MACROD2: variants seen among roughly 807,000 people sequenced by gnomAD.
MACROD2 encodes the protein ADP-ribose glycohydrolase MACROD2.
Under a neutral mutation model 70.4 loss-of-function variants are expected in MACROD2, and 36 were observed. The observed-to-expected ratio is 0.51, with a 90% CI of 0.39 to 0.68. The LOEUF (loss-of-function observed/expected upper bound fraction) is 0.68, where lower values mean the gene tolerates loss of function less well. Ranked by LOEUF, MACROD2 falls within the 30% of genes least tolerant of loss-of-function variation. The pLI, the probability that MACROD2 is intolerant of heterozygous loss-of-function variation, is 0.00. For missense variants in MACROD2, 496 were observed against 538.4 expected, an observed-to-expected ratio of 0.92 and a Z score of 0.78; for synonymous variants, 172 against 178.8, an observed-to-expected ratio of 0.96 and a Z score of 0.30.
At chr20:14,169,087 G>A (rs1767949572) in intron 3 of MACROD2, among the ~76,000 whole-genome samples, 1 of 152,072 alleles carries the variant, frequency 6.6e-6, no homozygotes, top group Admixed American at 6.6e-5. Context: ...CGCATAAACA[G>A]GATTAAGAAC....
intron 3 of MACROD2, among the ~76,000 whole-genome samples, chr20:14,384,706 A>C (rs2083453807): frequency 6.6e-6 from 1 of 152,184 alleles, no homozygotes; most frequent in African/African-American, 2.4e-5. Flanking sequence ...CTACAAGCCC[A>C]ATATATAATG....
chr20:14,013,359 G>A (rs1225438332), intron 2 of MACROD2, among the ~76,000 whole-genome samples: 6 of 148,280 alleles, frequency 4.0e-5, no homozygotes, highest in Non-Finnish European at 7.4e-5. Context: ...TGCAAGCTCC[G>A]CCTCCCAGGT....
intron 3 of MACROD2, among the ~76,000 whole-genome samples, chr20:14,225,913 A>G (rs1170919815): frequency 6.6e-6 from 1 of 152,162 alleles, no homozygotes; most frequent in Admixed American, 6.5e-5. Context: ...TAAGCTGAAA[A>G]TAGTGTCCTA....
chr20:15,539,069 CT>C (rs2047918330), intron 8 of MACROD2, among the ~76,000 whole-genome samples: 1 of 152,030 alleles, frequency 6.6e-6, no homozygotes, highest in Non-Finnish European at 1.5e-5. Context: ...ACATTTTATT[CT>C]GTTTTTTCAT....
intron 5 of MACROD2, among the ~76,000 whole-genome samples, chr20:14,706,570 T>C (rs1406234397): frequency 5.3e-5 from 8 of 152,160 alleles, no homozygotes; most frequent in African/African-American, 1.9e-4. Context: ...CTATTTATCA[T>C]TTGTTGAACC....
chr20:15,698,282 C>T (rs958161183), intron 8 of MACROD2, among the ~76,000 whole-genome samples: 20 of 152,284 alleles, frequency 1.3e-4, no homozygotes, highest in African/African-American at 4.6e-4. Context: ...ATGGCGAATT[C>T]TCTCAGCATT....
At chr20:15,324,958 C>T (rs2077912057) in intron 6 of MACROD2, among the ~76,000 whole-genome samples, 1 of 150,430 alleles carries the variant, frequency 6.6e-6, no homozygotes, top group Non-Finnish European at 1.5e-5. Context: ...TCCTTCTGCT[C>T]CTATGTAAAA....
At chr20:14,791,745 T>C (rs2072453725) in intron 5 of MACROD2, among the ~76,000 whole-genome samples, 2 of 151,926 alleles carry the variant, frequency 1.3e-5, no homozygotes. Flanking sequence ...TAACTGTAAA[T>C]CAAAACTGGT....
chr20:16,033,924 A>C (rs1170034164), intron 15 of MACROD2, among the ~76,000 whole-genome samples: 1 of 151,928 alleles, frequency 6.6e-6, no homozygotes, highest in Non-Finnish European at 1.5e-5. Context: ...ACTCAATGAG[A>C]GAAGGAATTT....
At chr20:14,514,069 A>G (rs2085060937) in intron 4 of MACROD2, among the ~76,000 whole-genome samples, 1 of 152,138 alleles carries the variant, frequency 6.6e-6, no homozygotes, top group African/African-American at 2.4e-5. Context: ...TGGACTTACC[A>G]TAAAGTGACT....
intron 12 of MACROD2, among the ~76,000 whole-genome samples, chr20:15,951,507 G>C (rs2065905838): frequency 6.6e-6 from 1 of 152,092 alleles, no homozygotes; most frequent in Non-Finnish European, 1.5e-5. Context: ...CATTTAATGA[G>C]AAGATTGTTT....
chr20:14,056,711 A>G (rs1307851523), intron 2 of MACROD2, among the ~76,000 whole-genome samples: 1 of 152,012 alleles, frequency 6.6e-6, no homozygotes, highest in African/African-American at 2.4e-5. Flanking sequence ...CTGGTTTTTG[A>G]GAATTAAAAT....
chr20:14,423,973 G>T (rs552532811), intron 3 of MACROD2, among the ~76,000 whole-genome samples: 4 of 151,640 alleles, frequency 2.6e-5, no homozygotes, highest in South Asian at 2.1e-4. Flanking sequence ...TGTTGGTCAG[G>T]CTAGTCTTGA....
intron 4 of MACROD2, among the ~76,000 whole-genome samples, chr20:14,565,201 G>A (rs1321469835): frequency 6.6e-6 from 1 of 151,834 alleles, no homozygotes; most frequent in Non-Finnish European, 1.5e-5. Flanking sequence ...AGATGGGAAG[G>A]TGAGAAGGGG....
chr20:15,482,348 T>A (rs1423740294), intron 7 of MACROD2, among the ~76,000 whole-genome samples: 1 of 152,162 alleles, frequency 6.6e-6, no homozygotes, highest in East Asian at 1.9e-4. Context: ...CGACATCATA[T>A]GTCATAAGGT....
At chr20:15,336,398 G>A (rs1053428963) in intron 6 of MACROD2, among the ~76,000 whole-genome samples, 3 of 150,664 alleles carry the variant, frequency 2.0e-5, no homozygotes, top group Admixed American at 2.0e-4. Context: ...AAAAAAAAAG[G>A]TGTGGAATTG....
chr20:14,554,415 GC>G (rs1978884939), intron 4 of MACROD2: 1 of 152,116 alleles, frequency 6.6e-6, no homozygotes, highest in Admixed American at 6.6e-5. Flanking sequence ...CCAGGGCTGT[GC>G]AACCCATCTG....
intron 3 of MACROD2, among the ~76,000 whole-genome samples, chr20:14,361,635 A>G (rs1216945721): frequency 6.6e-6 from 1 of 152,174 alleles, no homozygotes; most frequent in Admixed American, 6.5e-5. Flanking sequence ...TCTGTAATGC[A>G]TGTCACTCCA....
intron 4 of MACROD2, among the ~76,000 whole-genome samples, chr20:14,594,397 A>C (rs1273449344): frequency 6.6e-6 from 1 of 152,196 alleles, no homozygotes; most frequent in Non-Finnish European, 1.5e-5. Context: ...AACTAATATA[A>C]CACTTCCTAC....
Sources: allele counts gnomAD v4.1 joint callset (sites outside exome capture counted in the v4.1 genomes callset), GRCh38; gene constraint gnomAD v4.1.1; transcripts MANE v1.5; gene names NCBI Gene and HGNC (gene_info 2026-07-23, HGNC 2026-07-21).